The following CTNNBL1 variants were observed in gnomAD, a reference collection of about 807,000 sequenced individuals.
CTNNBL1 encodes the protein catenin beta like 1.
CTNNBL1 carries 31 observed loss-of-function variants against 72.7 expected under a neutral mutation model. The observed-to-expected ratio is 0.43, with a 90% CI of 0.32 to 0.58. CTNNBL1 has a LOEUF of 0.58. Ranked by LOEUF, CTNNBL1 falls within the 20% of genes least tolerant of loss-of-function variation. The pLI is 0.08. For missense variants in CTNNBL1, 534 were observed against 725.1 expected, an observed-to-expected ratio of 0.74 and a Z score of 3.03; for synonymous variants, 240 against 267.3, an observed-to-expected ratio of 0.90 and a Z score of 1.00.
At chr20:37,741,081 T>C (rs891754367) in intron 3 of CTNNBL1, among the ~76,000 whole-genome samples, 2 of 152,232 alleles carry the variant, frequency 1.3e-5, no homozygotes, top group Non-Finnish European at 1.5e-5. Context: ...CAAATGCACA[T>C]GGGCAGCCTA....
At chr20:37,849,946 A>G (rs76481954) in intron 13 of CTNNBL1, among the ~76,000 whole-genome samples, 3,628 of 152,354 alleles carry the variant, frequency 0.024, 139 homozygotes, top group African/African-American at 0.081. Flanking sequence ...ATCACTTGGA[A>G]TATTTCCTGG....
At chr20:37,713,460 A>C (rs1046420314) in intron 1 of CTNNBL1, among the ~76,000 whole-genome samples, 1 of 152,212 alleles carries the variant, frequency 6.6e-6, no homozygotes, top group South Asian at 2.1e-4. Context: ...TCTTATTTTA[A>C]TTAAAAAAGC....
chr20:37,717,028 T>C (rs2122568656), intron 1 of CTNNBL1, among the ~76,000 whole-genome samples: 1 of 152,302 alleles, frequency 6.6e-6, no homozygotes. Flanking sequence ...GGTTAGTTTC[T>C]CACACATGAT....
At chr20:37,737,927 A>G (rs1228907264) in intron 3 of CTNNBL1, among the ~76,000 whole-genome samples, 1 of 152,200 alleles carries the variant, frequency 6.6e-6, no homozygotes, top group Non-Finnish European at 1.5e-5. Context: ...AACAATAACA[A>G]CCAAAATTGT....
chr20:37,709,862 G>A (rs2072921960), intron 1 of CTNNBL1, among the ~76,000 whole-genome samples: 1 of 152,172 alleles, frequency 6.6e-6, no homozygotes, highest in African/African-American at 2.4e-5. Context: ...GGTGTCTTTG[G>A]AAAATGTGAT....
intron 9 of CTNNBL1, 32 bp downstream of exon 9, chr20:37,777,744 A>T: frequency 6.2e-7 from 1 of 1,604,920 alleles, no homozygotes; most frequent in Non-Finnish European, 8.5e-7. Context: ...TGTCTGCTGT[A>T]AGATACATGG....
intron 7 of CTNNBL1, among the ~76,000 whole-genome samples, chr20:37,776,113 G>A (rs1216924018): frequency 6.6e-6 from 1 of 152,110 alleles, no homozygotes; most frequent in Non-Finnish European, 1.5e-5. Context: ...TTGCATTTAA[G>A]CCCTGACTAT....
intron 3 of CTNNBL1, among the ~76,000 whole-genome samples, 176 bp from the exon 4 acceptor site, chr20:37,746,292 G>A (rs1342091880): frequency 1.3e-5 from 2 of 152,176 alleles, no homozygotes; most frequent in African/African-American, 4.8e-5. Flanking sequence ...TTTGTAATGA[G>A]GAAATCGATT....
chr20:37,773,097 C>T (rs1014917441), intron 7 of CTNNBL1, among the ~76,000 whole-genome samples: 3 of 152,298 alleles, frequency 2.0e-5, no homozygotes, highest in Middle Eastern at 6.8e-3. Flanking sequence ...GTATAAGATT[C>T]CCTCTTGTTA....
chr20:37,860,362 C>G lies in CTNNBL1; in HGVS notation c.1603+18C>G, dbSNP rs979062779. 4.4e-6 allele frequency: 7 copies of G among 1,579,992 alleles called. No individual in the cohort carries two copies. The highest frequency in any genetic ancestry group is 5.2e-6 in the Non-Finnish European group (6 of 1,148,884). The stretch of plus-strand genomic sequence containing the variant: ...CATCAAGGGTGAGTTGGATGCTACT[C>G]ATGTCTGGGGCTCCAGAGGATTAGA... On this transcript the variant is annotated intron_variant, in intron 15 of 15. Transcript: ENST00000361383.
intron 11 of CTNNBL1, among the ~76,000 whole-genome samples, chr20:37,810,439 A>G (rs541510084): frequency 1.3e-5 from 2 of 150,972 alleles, no homozygotes; most frequent in African/African-American, 4.9e-5. Context: ...CGCATAGCCC[A>G]GGTGCCTTGT....
intron 13 of CTNNBL1, among the ~76,000 whole-genome samples, chr20:37,847,113 T>G (rs9680012): frequency 0.066 from 10,087 of 152,206 alleles, 416 homozygotes; most frequent in African/African-American, 0.085. Flanking sequence ...TAACCCTGAT[T>G]TTTGTTTTCT....
At chr20:37,697,610 A>G (rs941871977) in intron 1 of CTNNBL1, among the ~76,000 whole-genome samples, 5 of 152,200 alleles carry the variant, frequency 3.3e-5, no homozygotes, top group Admixed American at 2.6e-4. Context: ...GAGATACGGT[A>G]GATACCTTCA....
intron 1 of CTNNBL1, among the ~76,000 whole-genome samples, chr20:37,700,697 T>C (rs1185114222): frequency 6.6e-6 from 1 of 152,214 alleles, no homozygotes; most frequent in Non-Finnish European, 1.5e-5. Context: ...GGCGCATATA[T>C]GAACTCCAGG....
chr20:37,787,892 C>G (rs2073692777), intron 10 of CTNNBL1, among the ~76,000 whole-genome samples: 1 of 152,008 alleles, frequency 6.6e-6, no homozygotes, highest in South Asian at 2.1e-4. Flanking sequence ...ATTTCTTTGT[C>G]TATGAACGTT....
chr20:37,848,248 G>T (rs2072364079), intron 13 of CTNNBL1, among the ~76,000 whole-genome samples: 1 of 150,634 alleles, frequency 6.6e-6, no homozygotes, highest in African/African-American at 2.5e-5. Context: ...TCAAACTCCT[G>T]GGCTCAAGTA....
intron 1 of CTNNBL1, among the ~76,000 whole-genome samples, chr20:37,729,102 A>G (rs1328741612): frequency 6.6e-6 from 1 of 152,190 alleles, no homozygotes; most frequent in Non-Finnish European, 1.5e-5. Flanking sequence ...TATTGTTTTA[A>G]CTTAACCAGG....
At position 37,855,447 on chromosome 20, in the gene CTNNBL1, A is replaced by G. The variant is rs1446487993; in HGVS notation, c.1393-4452A>G. On this transcript the variant is annotated intron_variant, in intron 13 of 15. Transcript: ENST00000361383. The stretch of plus-strand genomic sequence containing the variant: ...TATTCATTAACCTCATTAGATTATA[A>G]GCACCTCAATTATGTAGACTGTTTT... Among the ~76,000 whole-genome samples, 9 of 152,286 alleles carry G rather than the reference A, an allele frequency of 5.9e-5. No homozygotes were observed. In the East Asian group the frequency reaches 1.7e-3, roughly 29 times the overall value.
chr20:37,820,803 GC>G (rs1019371194), intron 11 of CTNNBL1, among the ~76,000 whole-genome samples: 1 of 152,122 alleles, frequency 6.6e-6, no homozygotes, highest in African/African-American at 2.4e-5. Flanking sequence ...TTTGTAAATT[GC>G]CCAGTCTCAG....
Sources: allele counts gnomAD v4.1 joint callset (sites outside exome capture counted in the v4.1 genomes callset), GRCh38; gene constraint gnomAD v4.1.1; transcripts MANE v1.5; gene names NCBI Gene and HGNC (gene_info 2026-07-23, HGNC 2026-07-21).